Variants in TBL1X observed in about 807,000 individuals in gnomAD.
TBL1X encodes the protein transducin beta like 1 X-linked.
TBL1X carries 10 observed loss-of-function variants against 50.7 expected under a neutral mutation model. The observed-to-expected ratio is 0.20, with a 90% CI of 0.12 to 0.33. The LOEUF is 0.33. Ranked by LOEUF, TBL1X falls within the 10% of genes least tolerant of loss-of-function variation. The pLI, the probability that TBL1X is intolerant of heterozygous loss-of-function variation, is 1.00. For missense variants in TBL1X, 340 were observed against 504.4 expected (o/e 0.67, Z 3.12); for synonymous variants, 190 against 214.7 (o/e 0.88, Z 1.01).
At chrX:9,634,014 A>G in intron 2 of TBL1X, among the ~76,000 whole-genome samples, 1 of 111,653 alleles carries the variant, frequency 9.0e-6, no homozygotes, top group Non-Finnish European at 1.9e-5. Flanking sequence ...CTAGACATTT[A>G]TTGTACAGAT....
rs370412651 is a variant in TBL1X at position 9,512,211 on chromosome X, G to A, written c.-131+10362G>A. ...CATTGATCTTGATGACACTGAAATC[G>A]TTGATGTGTGCCAAGGGGGTTCCTT... On this transcript the variant is annotated intron_variant, in intron 2 of 17. Coordinates refer to ENST00000645353, the MANE Select transcript of TBL1X (RefSeq NM_005647.4). Among the ~76,000 whole-genome samples the A allele has an allele frequency of 5.4e-5, 6 of 110,822 alleles. No individual in the cohort carries two copies. In the South Asian group the frequency reaches 1.9e-3, roughly 35 times the overall value.
chrX:9,473,962 T>C (rs1432592705), intron 1 of TBL1X, among the ~76,000 whole-genome samples: 1 of 112,481 alleles, frequency 8.9e-6, no homozygotes, highest in Non-Finnish European at 1.9e-5. Flanking sequence ...CTGTTAAATT[T>C]TATGGGACTC....
At chrX:9,649,062 G>A (rs764121164) in intron 3 of TBL1X, among the ~76,000 whole-genome samples, 5 of 111,499 alleles carry the variant, frequency 4.5e-5, no homozygotes, top group Non-Finnish European at 9.4e-5. Context: ...GCTAAACGCC[G>A]GGACACCCAG....
intron 1 of TBL1X, among the ~76,000 whole-genome samples, chrX:9,469,571 A>G (rs1490831190): frequency 8.9e-6 from 1 of 112,154 alleles, no homozygotes; most frequent in Non-Finnish European, 1.9e-5. Context: ...TTTTTTCCTT[A>G]TCTTTTCCCT....
chrX:9,681,684 G>C (rs756021062), intron 5 of TBL1X, among the ~76,000 whole-genome samples: 30 of 112,718 alleles, frequency 2.7e-4, no homozygotes, highest in Non-Finnish European at 5.1e-4. Context: ...CATGAGGTTT[G>C]CTTGTCAGGT....
At chrX:9,630,846 G>A (rs2082717583) in intron 2 of TBL1X, among the ~76,000 whole-genome samples, 1 of 112,310 alleles carries the variant, frequency 8.9e-6, no homozygotes, top group African/African-American at 3.2e-5. Flanking sequence ...AAAGTGCCGG[G>A]ATTAGAGGCG....
intron 2 of TBL1X, among the ~76,000 whole-genome samples, chrX:9,568,831 G>A (rs2082367100): frequency 9.1e-6 from 1 of 110,328 alleles, no homozygotes; most frequent in African/African-American, 3.3e-5. Flanking sequence ...TATCTGTGCA[G>A]TGTGCTGTGC....
chrX:9,577,221 C>T (rs2082417182), intron 2 of TBL1X, among the ~76,000 whole-genome samples: 1 of 111,724 alleles, frequency 9.0e-6, no homozygotes, highest in Non-Finnish European at 1.9e-5. Flanking sequence ...AACATGGCCC[C>T]ACATTCGGCT....
intron 1 of TBL1X, among the ~76,000 whole-genome samples, chrX:9,491,309 TATATA>T (rs1569205432): frequency 4.8e-4 from 14 of 29,305 alleles, no homozygotes; most frequent in African/African-American, 1.5e-3. Flanking sequence ...AGTATATTTA[TATATA>T]TATATATATA....
chrX:9,581,207 G>A (rs1417750938), intron 2 of TBL1X, among the ~76,000 whole-genome samples: 1 of 112,339 alleles, frequency 8.9e-6, no homozygotes, highest in Non-Finnish European at 1.9e-5. Flanking sequence ...CGTGCAGCCC[G>A]ATGCTGTCAC....
At chrX:9,697,520 C>G (rs2083139343) in intron 12 of TBL1X, 91 bp downstream of exon 12, 9 of 1,149,982 alleles carry the variant, frequency 7.8e-6, no homozygotes, top group Non-Finnish European at 1.1e-5. Flanking sequence ...GCCTGTAATC[C>G]CAGCACTTTG....
intron 2 of TBL1X, among the ~76,000 whole-genome samples, chrX:9,548,866 C>T (rs937571926): frequency 3.5e-5 from 4 of 112,833 alleles, no homozygotes; most frequent in East Asian, 2.8e-4. Context: ...TTTCTTGATA[C>T]GCACATTTAT....
chrX:9,555,233 G>A (rs756457698), intron 2 of TBL1X, among the ~76,000 whole-genome samples: 6 of 110,401 alleles, frequency 5.4e-5, no homozygotes, highest in East Asian at 2.8e-4. Flanking sequence ...ACAACACCAC[G>A]CCTGGCTAAT....
intron 3 of TBL1X, among the ~76,000 whole-genome samples, chrX:9,647,581 T>C (rs1156683583): frequency 8.9e-6 from 1 of 112,064 alleles, no homozygotes; most frequent in African/African-American, 3.2e-5. Context: ...AACTCTCCTT[T>C]ATTTTAGAAC....
intron 2 of TBL1X, among the ~76,000 whole-genome samples, chrX:9,541,602 G>T (rs1242552928): frequency 8.9e-6 from 1 of 112,744 alleles, no homozygotes; most frequent in African/African-American, 3.2e-5. Flanking sequence ...CATCACAGCC[G>T]CAGAAGATAC....
chrX:9,478,030 G>A (rs1178364447), intron 1 of TBL1X, among the ~76,000 whole-genome samples: 2 of 111,970 alleles, frequency 1.8e-5, no homozygotes, highest in African/African-American at 6.5e-5. Context: ...AAAGGGGAAA[G>A]ACGGCAAGTA....
At chrX:9,574,080 A>G (rs1255395173) in intron 2 of TBL1X, among the ~76,000 whole-genome samples, 2 of 111,142 alleles carry the variant, frequency 1.8e-5, no homozygotes, top group Non-Finnish European at 3.8e-5. Context: ...GGGATTTTCA[A>G]AATGGAGGCT....
chrX:9,576,245 C>T lies in TBL1X; in HGVS notation c.-130-64028C>T, dbSNP rs1378407115. On this transcript the variant is annotated intron_variant, in intron 2 of 17. Coordinates refer to ENST00000645353, the MANE Select transcript of TBL1X (RefSeq NM_005647.4). ...GGATGAACAAGTGCACTTGAGTACG[C>T]GCTGCACAGTGTAGGCATCAGGCCA... 7.1e-5 allele frequency among the ~76,000 whole-genome samples: 8 copies of T among 112,143 alleles called. No homozygotes were observed. In the East Asian group the frequency reaches 1.4e-3, roughly 20 times the overall value.
intron 5 of TBL1X, among the ~76,000 whole-genome samples, chrX:9,677,218 A>C (rs767183032): frequency 9.0e-6 from 1 of 111,243 alleles, no homozygotes; most frequent in Admixed American, 9.6e-5. Context: ...TGCTGGAGAA[A>C]CCTTTATGAT....
Sources: gnomAD v4.1 joint callset for allele counts (sites outside exome capture counted in the v4.1 genomes callset) on GRCh38, gnomAD v4.1.1 for gene constraint, MANE v1.5 for transcripts, NCBI Gene and HGNC (gene_info 2026-07-23, HGNC 2026-07-21) for gene names.